The following PIEZO2 variants were observed in gnomAD, a reference collection of about 807,000 sequenced individuals.
The protein encoded by PIEZO2 is piezo type mechanosensitive ion channel component 2, also known as piezo-type mechanosensitive ion channel component 2.
PIEZO2 carries 172 observed loss-of-function variants against 337.3 expected under a neutral mutation model. The observed-to-expected ratio is 0.51, with a 90% CI of 0.45 to 0.58. The LOEUF is 0.58. Ranked by LOEUF, PIEZO2 falls within the 20% of genes least tolerant of loss-of-function variation. The probability of loss-of-function intolerance (pLI) is 0.00; values close to 1 mark genes in which losing one functional copy is unlikely to be tolerated. For missense variants in PIEZO2, 3,028 were observed against 3,391.3 expected, an observed-to-expected ratio of 0.89 and a Z score of 2.66; for synonymous variants, 1,251 against 1,228.5, an observed-to-expected ratio of 1.02 and a Z score of -0.38.
At chr18:10,857,902 G>A (rs1208992285) in intron 5 of PIEZO2, among the ~76,000 whole-genome samples, 3 of 151,730 alleles carry the variant, frequency 2.0e-5, no homozygotes, top group Non-Finnish European at 4.4e-5. Context: ...AGGCATTTTT[G>A]CTTGTTCGTT....
At chr18:10,811,154 G>A (rs1225774380) in intron 7 of PIEZO2, among the ~76,000 whole-genome samples, 1 of 151,980 alleles carries the variant, frequency 6.6e-6, no homozygotes, top group African/African-American at 2.4e-5. Context: ...CTATCTCTTT[G>A]TTGTCGCTGG....
At chr18:10,909,440 G>A (rs1056258518) in intron 4 of PIEZO2, among the ~76,000 whole-genome samples, 2 of 152,106 alleles carry the variant, frequency 1.3e-5, no homozygotes, top group African/African-American at 4.8e-5. Context: ...CAATACAAAT[G>A]ACATTTTTGA....
Position 10,671,160 on chromosome 18 carries a change from G to A in PIEZO2, c.*367C>T, listed in dbSNP as rs1028351305. ...ATATTGCATTGTAGCATCTCTCCAG[G>A]AAGTGCACGGGCCCCACAGAGGAAA... On this transcript the variant is annotated 3_prime_UTR_variant, in exon 56 of 56. Coordinates refer to ENST00000674853, the MANE Select transcript of PIEZO2 (RefSeq NM_001378183.1). The A allele has an allele frequency of 7.5e-5, 15 of 198,762 alleles. No homozygotes were observed. The highest frequency in any genetic ancestry group is 3.6e-4 in the African/African-American group (15 of 42,066). The allele number at this position is 198,762 out of a possible 1,614,324, so 12.3% of individuals were successfully genotyped here. A position where few individuals can be genotyped will look rare whatever the true frequency, so the allele number is the denominator to read the frequency against.
At position 10,824,988 on chromosome 18, in the gene PIEZO2, C is replaced by T. The variant is rs564107740; in HGVS notation, c.918-17714G>A. Among the ~76,000 whole-genome samples, 11 of 152,196 alleles carry T rather than the reference C, an allele frequency of 7.2e-5. No homozygotes were observed. The highest frequency in any genetic ancestry group is 2.1e-4 in the South Asian group (1 of 4,824). On this transcript the variant is annotated intron_variant, in intron 7 of 55. Coordinates refer to ENST00000674853, the MANE Select transcript of PIEZO2 (RefSeq NM_001378183.1). This position sits in a 1 kb window ranked among gnomAD's most constrained non-coding sequence, Gnocchi z 4.4. ...AAGTGATTCTCCTGCCTCAGCCTCCCGAGTAGCTGGGACTACAGGAACCCG... is the reference window on the plus strand; with the variant it reads ...AAGTGATTCTCCTGCCTCAGCCTCCTGAGTAGCTGGGACTACAGGAACCCG...
intron 7 of PIEZO2, among the ~76,000 whole-genome samples, chr18:10,844,190 G>C (rs2041278474): frequency 6.6e-6 from 1 of 152,078 alleles, no homozygotes; most frequent in Non-Finnish European, 1.5e-5. Flanking sequence ...AGGCCAAGGA[G>C]GGCGGATCAT....
rs574380415 is a variant in PIEZO2, at chr18:10,855,241, C to T, written c.917+112G>A. 2.1e-6 allele frequency: 2 copies of T among 942,292 alleles called. No homozygotes were observed. Among genetic ancestry groups the T allele is most frequent in the Admixed American group, 4.5e-5 (2 of 44,260 alleles). The allele number at this position is 942,292 out of a possible 1,614,324, so 58.4% of individuals were successfully genotyped here. A position where few individuals can be genotyped will look rare whatever the true frequency, so the allele number is the denominator to read the frequency against. ...ACCCCCACAAAATCTTTGCTTAACA[C>T]AGCAATTGCCTGCCATCAAGAATAA... On this transcript the variant is annotated intron_variant, in intron 7 of 55. Coordinates refer to ENST00000674853, the MANE Select transcript of PIEZO2 (RefSeq NM_001378183.1). This position sits in a 1 kb window ranked among gnomAD's most constrained non-coding sequence, Gnocchi z 4.9.
chr18:10,870,060 G>A lies in PIEZO2; in HGVS notation c.492+1193C>T, dbSNP rs988476990. Among the ~76,000 whole-genome samples, 1 of 152,130 alleles carries A rather than the reference G, an allele frequency of 6.6e-6. No individual in the cohort carries two copies. The highest frequency in any genetic ancestry group is 1.5e-5 in the Non-Finnish European group (1 of 68,038). On this transcript the variant is annotated intron_variant, in intron 5 of 55. Coordinates refer to ENST00000674853, the MANE Select transcript of PIEZO2 (RefSeq NM_001378183.1). The surrounding 1 kb of genome is among the most constrained non-coding windows in gnomAD (Gnocchi z 5.3). ...TCAGCTAATTTTTGTATTTTTAGTA[G>A]AGACAGGGTTTCACCATGTTGGCCA...
At chr18:10,785,715 T>C (rs967642675) in intron 16 of PIEZO2, among the ~76,000 whole-genome samples, 9 of 152,044 alleles carry the variant, frequency 5.9e-5, no homozygotes, top group Non-Finnish European at 1.3e-4. Context: ...AATTGCCCAC[T>C]CCTGTTATCC....
At chr18:10,901,192 G>C (rs1488702441) in intron 4 of PIEZO2, among the ~76,000 whole-genome samples, 1 of 152,114 alleles carries the variant, frequency 6.6e-6, no homozygotes, top group Non-Finnish European at 1.5e-5. Context: ...TTCCAAGTTT[G>C]CCTCATTGTA....
At chr18:10,801,501 G>C (rs1239536024) in intron 9 of PIEZO2, 73 bp from the exon 10 acceptor site, 1 of 1,337,396 alleles carries the variant, frequency 7.5e-7, no homozygotes, top group African/African-American at 1.5e-5. Flanking sequence ...TATCTATAAA[G>C]TTTTACTGTG....
chr18:10,933,951 G>A (rs1285136764), intron 3 of PIEZO2, among the ~76,000 whole-genome samples: 2 of 152,150 alleles, frequency 1.3e-5, no homozygotes, highest in African/African-American at 2.4e-5. Context: ...ATGATTGTGA[G>A]GCATCCCCAG....
At chr18:11,050,386 A>C (rs2037479376) in intron 2 of PIEZO2, among the ~76,000 whole-genome samples, 1 of 152,150 alleles carries the variant, frequency 6.6e-6, no homozygotes, top group African/African-American at 2.4e-5. Context: ...TTTGATGTCT[A>C]AACATGTCTT....
intron 52 of PIEZO2, 39 bp downstream of exon 52, chr18:10,680,160 G>A (rs781267448): frequency 8.4e-6 from 13 of 1,542,686 alleles, no homozygotes; most frequent in Non-Finnish European, 1.2e-5. Flanking sequence ...GTTTAGACTG[G>A]GGAAAGGGAT....
At chr18:10,816,692 A>T (rs952173650) in intron 7 of PIEZO2, among the ~76,000 whole-genome samples, 1 of 152,194 alleles carries the variant, frequency 6.6e-6, no homozygotes, top group African/African-American at 2.4e-5. Flanking sequence ...TGCATCACTG[A>T]AGAAGTCAAG....
chr18:10,926,266 A>G (rs1352482303), intron 3 of PIEZO2, among the ~76,000 whole-genome samples: 1 of 152,052 alleles, frequency 6.6e-6, no homozygotes, highest in Admixed American at 6.5e-5. Flanking sequence ...TCTCTACCCA[A>G]CTCCACATTC....
chr18:11,036,558 T>C (rs905070407), intron 2 of PIEZO2, among the ~76,000 whole-genome samples: 1 of 151,836 alleles, frequency 6.6e-6, no homozygotes, highest in African/African-American at 2.4e-5. Context: ...TGGAATAAAA[T>C]AAGATATAAA....
Position 11,102,216 on chromosome 18 carries a change from AAATT to A in PIEZO2, c.65-35998_65-35995del, listed in dbSNP as rs1210865414. 2.0e-5 allele frequency among the ~76,000 whole-genome samples: 3 copies of A among 152,222 alleles called. No homozygotes were observed. Among genetic ancestry groups the A allele is most frequent in the Admixed American group, 2.0e-4 (3 of 15,282 alleles). Reference sequence around the variant, plus strand: ...TGTGATTTTATTTTCACCTTATTCTAAATTAATGAGATAAAAAATACATTCTAAT... The same window carrying A: ...TGTGATTTTATTTTCACCTTATTCTAAATGAGATAAAAAATACATTCTAAT... On this transcript the variant is annotated intron_variant, in intron 1 of 55. Transcript: ENST00000674853. This position sits in a 1 kb window ranked among gnomAD's most constrained non-coding sequence, Gnocchi z 5.7.
chr18:11,049,148 C>T (rs559432646), intron 2 of PIEZO2, among the ~76,000 whole-genome samples: 2 of 152,318 alleles, frequency 1.3e-5, no homozygotes, highest in Admixed American at 1.3e-4. Flanking sequence ...GCTACGGTTT[C>T]CTCCTCTTGA....
chr18:11,041,367 C>T (rs2037113806), intron 2 of PIEZO2, among the ~76,000 whole-genome samples: 1 of 152,156 alleles, frequency 6.6e-6, no homozygotes, highest in Admixed American at 6.5e-5. Context: ...AAACACCGAG[C>T]TCAGAAGCTG....
Sources: gnomAD v4.1 joint callset for allele counts (sites outside exome capture counted in the v4.1 genomes callset) on GRCh38, gnomAD v4.1.1 for gene constraint, Gnocchi (gnomAD v3.1) non-coding constraint, MANE v1.5 for transcripts, NCBI Gene and HGNC (gene_info 2026-07-23, HGNC 2026-07-21) for gene names.